LUZP2: variants seen among roughly 807,000 people sequenced by gnomAD.
LUZP2 encodes the protein leucine zipper protein 2.
LUZP2 carries 52 observed loss-of-function variants against 51.6 expected under a neutral mutation model. That is an observed-to-expected ratio of 1.01 (90% CI 0.81 to 1.27). LUZP2 has a LOEUF of 1.27. LUZP2 is among the 50% of genes most tolerant of loss of function. LUZP2 has a pLI of 0.00. For synonymous variants in LUZP2, 154 were observed against 137.3 expected (o/e 1.12, Z -0.85); for missense variants, 436 against 395.4 (o/e 1.10, Z -0.87).
chr11:24,635,301 A>T (rs1386993254), intron 1 of LUZP2, among the ~76,000 whole-genome samples: 5 of 152,194 alleles, frequency 3.3e-5, no homozygotes, highest in African/African-American at 1.2e-4. Flanking sequence ...TACCAAAAAA[A>T]TGCAAACACT....
chr11:24,751,540 G>C (rs1225406049), intron 4 of LUZP2: 7 of 966,598 alleles, frequency 7.2e-6, no homozygotes, highest in Non-Finnish European at 8.6e-6. Context: ...AGAAGTAATG[G>C]GAGTGAGGAA....
intron 1 of LUZP2, among the ~76,000 whole-genome samples, chr11:24,633,588 A>C (rs1854964280): frequency 6.6e-6 from 1 of 152,034 alleles, no homozygotes; most frequent in South Asian, 2.1e-4. Context: ...GTATAAGCTC[A>C]AAATTTTAGG....
intron 1 of LUZP2, among the ~76,000 whole-genome samples, chr11:24,606,822 A>G (rs377677190): frequency 2.0e-5 from 3 of 151,912 alleles, no homozygotes; most frequent in African/African-American, 7.2e-5. Context: ...TTATATTTTG[A>G]CTTTTTATTA....
intron 1 of LUZP2, among the ~76,000 whole-genome samples, chr11:24,605,711 G>A (rs1327980410): frequency 1.3e-5 from 2 of 151,712 alleles, no homozygotes; most frequent in East Asian, 3.9e-4. Context: ...CCACAATCAA[G>A]ATAATTAAAA....
intron 4 of LUZP2, among the ~76,000 whole-genome samples, chr11:24,760,025 G>T (rs1565122330): frequency 6.6e-6 from 1 of 152,258 alleles, no homozygotes; most frequent in Admixed American, 6.5e-5. Flanking sequence ...CAGAAAGGCA[G>T]GACAACTTGA....
At position 24,991,390 on chromosome 11, in the gene LUZP2, G is replaced by GTATA. The variant is rs748533379; in HGVS notation, c.765+8098_765+8099insATAT. The stretch of plus-strand genomic sequence containing the variant: ...TGTGTATATATATGTGTGTGTGTGT[G>GTATA]TGTGTGTATATATATATATATATAT... On this transcript the variant is annotated intron_variant, in intron 9 of 11. Transcript: ENST00000336930. 9.3e-4 allele frequency among the ~76,000 whole-genome samples: 59 copies of GTATA among 63,554 alleles called. 1 individual carries two copies. The South Asian group carries it at 0.018, about 20-fold the overall frequency. The allele number at this position is 63,554 out of a possible 152,430, so 41.7% of individuals were successfully genotyped here.
chr11:24,564,904 A>C (rs896232689), intron 1 of LUZP2, among the ~76,000 whole-genome samples: 1 of 152,174 alleles, frequency 6.6e-6, no homozygotes, highest in Non-Finnish European at 1.5e-5. Context: ...GAGATAAATT[A>C]GGTCTAGTAA....
chr11:24,497,698 T>C (rs1590103716), intron 1 of LUZP2, among the ~76,000 whole-genome samples: 1 of 152,164 alleles, frequency 6.6e-6, no homozygotes, highest in Non-Finnish European at 1.5e-5. Context: ...TTAATAACCA[T>C]AGAGCTTCTC....
At chr11:24,739,419 G>C (rs1859055703) in intron 4 of LUZP2, among the ~76,000 whole-genome samples, 1 of 152,028 alleles carries the variant, frequency 6.6e-6, no homozygotes, top group Non-Finnish European at 1.5e-5. Context: ...TATTTGAAAA[G>C]TGTGTCTCTG....
At chr11:24,734,440 T>C (rs989971634) in intron 3 of LUZP2, among the ~76,000 whole-genome samples, 1 of 151,872 alleles carries the variant, frequency 6.6e-6, no homozygotes, top group African/African-American at 2.4e-5. Context: ...GTATATAAAC[T>C]ACCAGATGAT....
intron 7 of LUZP2, among the ~76,000 whole-genome samples, chr11:24,972,945 G>A (rs903756656): frequency 1.3e-5 from 2 of 151,936 alleles, no homozygotes; most frequent in African/African-American, 4.8e-5. Flanking sequence ...CTCATAAAAT[G>A]CATTGGGGAG....
chr11:24,728,910 C>T (rs1858598817), intron 1 of LUZP2, among the ~76,000 whole-genome samples: 1 of 151,850 alleles, frequency 6.6e-6, no homozygotes, highest in African/African-American at 2.4e-5. Context: ...TTACATGCAG[C>T]AGGGAAGACA....
rs1222069979 is a variant in LUZP2 at position 25,067,701 on chromosome 11, T to C, written c.859-9628T>C. 5.5e-5 allele frequency among the ~76,000 whole-genome samples: 8 copies of C among 145,828 alleles called. No individual in the cohort carries two copies. The Admixed American group carries it at 5.7e-4, about 10-fold the overall frequency. On this transcript the variant is annotated intron_variant, in intron 10 of 11. Transcript: ENST00000336930. ...AGAGGCTGGAGACGATATGGAGAAA[T>C]AGGAAAAGTTTTACACTGTTGGTGG...
chr11:24,979,678 C>G (rs979760865), intron 8 of LUZP2, among the ~76,000 whole-genome samples: 3 of 151,752 alleles, frequency 2.0e-5, no homozygotes, highest in Admixed American at 1.3e-4. Flanking sequence ...TTGGCAGTAT[C>G]TTATGAATTA....
chr11:24,999,742 T>A (rs1010752722), intron 9 of LUZP2, among the ~76,000 whole-genome samples: 3 of 152,184 alleles, frequency 2.0e-5, no homozygotes, highest in Non-Finnish European at 4.4e-5. Context: ...TGTTTTAAAC[T>A]CACAACCTTG....
intron 7 of LUZP2, among the ~76,000 whole-genome samples, chr11:24,950,694 CCA>C (rs993367864): frequency 3.3e-5 from 5 of 151,396 alleles, no homozygotes; most frequent in Non-Finnish European, 5.9e-5. Flanking sequence ...GATAATTACC[CCA>C]AAGAAAAAAA....
At chr11:24,904,715 T>C (rs1303830056) in intron 5 of LUZP2, among the ~76,000 whole-genome samples, 1 of 152,220 alleles carries the variant, frequency 6.6e-6, no homozygotes, top group African/African-American at 2.4e-5. Flanking sequence ...AGCTTGTCTC[T>C]TCACTGTATT....
intron 7 of LUZP2, among the ~76,000 whole-genome samples, chr11:24,919,556 A>G (rs996403175): frequency 4.2e-5 from 6 of 143,666 alleles, no homozygotes; most frequent in Admixed American, 3.6e-4. Flanking sequence ...TTCTTTATAT[A>G]TATTCATAAT....
At chr11:25,014,476 T>C (rs1392822068) in intron 9 of LUZP2, among the ~76,000 whole-genome samples, 2 of 152,224 alleles carry the variant, frequency 1.3e-5, no homozygotes, top group Admixed American at 6.5e-5. Flanking sequence ...ATTGTGGTTT[T>C]GATTTGCATT....
Sources: allele counts gnomAD v4.1 joint callset (sites outside exome capture counted in the v4.1 genomes callset), GRCh38; gene constraint gnomAD v4.1.1; transcripts MANE v1.5; gene names NCBI Gene and HGNC (gene_info 2026-07-23, HGNC 2026-07-21).